The following DTNBP1 variants were observed in gnomAD, a reference collection of about 807,000 sequenced individuals.
The protein encoded by DTNBP1 is dysbindin.
A neutral mutation model predicts 42.8 loss-of-function variants in DTNBP1; 35 were observed. The observed-to-expected ratio is 0.82, with a 90% CI of 0.63 to 1.09. The LOEUF (loss-of-function observed/expected upper bound fraction) is 1.09. Among genes scored for constraint, DTNBP1 ranks in the 50% least tolerant of loss-of-function variants. The probability of loss-of-function intolerance (pLI) is 0.00; values close to 1 mark genes in which losing one functional copy is unlikely to be tolerated. For synonymous variants in DTNBP1, 171 were observed against 162.2 expected (o/e 1.05, Z -0.41); for missense variants, 457 against 424.2 (o/e 1.08, Z -0.68).
intron 1 of DTNBP1, among the ~76,000 whole-genome samples, chr6:15,661,845 T>C (rs1228570614): frequency 6.6e-6 from 1 of 152,264 alleles, no homozygotes; most frequent in Non-Finnish European, 1.5e-5. Context: ...CTTCGTGTTT[T>C]ACACATTAAT....
intron 4 of DTNBP1, among the ~76,000 whole-genome samples, chr6:15,629,254 T>G (rs974545131): frequency 1.3e-5 from 2 of 152,182 alleles, no homozygotes; most frequent in African/African-American, 2.4e-5. Flanking sequence ...TGCCCTCTTA[T>G]TGTTTATACT....
chr6:15,603,407 T>C (rs972915891), intron 6 of DTNBP1, among the ~76,000 whole-genome samples: 2 of 152,228 alleles, frequency 1.3e-5, no homozygotes, highest in Non-Finnish European at 2.9e-5. Flanking sequence ...AGTTTCAGCC[T>C]TTTTTATATT....
At chr6:15,540,184 G>C (rs890164424) in intron 7 of DTNBP1, among the ~76,000 whole-genome samples, 1 of 151,334 alleles carries the variant, frequency 6.6e-6, no homozygotes, top group Non-Finnish European at 1.5e-5. Context: ...GGAATTTAGA[G>C]TGTACTCGTA....
At chr6:15,574,591 T>C (rs570150906) in intron 7 of DTNBP1, among the ~76,000 whole-genome samples, 11 of 152,366 alleles carry the variant, frequency 7.2e-5, no homozygotes, top group African/African-American at 7.2e-5. Flanking sequence ...AGTGAATCTA[T>C]TGTCACACTC....
chr6:15,653,462 C>G (rs1761126955), intron 1 of DTNBP1, among the ~76,000 whole-genome samples: 1 of 152,214 alleles, frequency 6.6e-6, no homozygotes, highest in African/African-American at 2.4e-5. Context: ...TTAATTCTAG[C>G]AGTCTCCTCC....
At position 15,537,947 on chromosome 6, in the gene DTNBP1, C is replaced by T. The variant is rs117668117; in HGVS notation, c.512-4552G>A. ...AAATGAAATCAGGGTCAGACATTTACCATTTTTGACCTGGTACATGGGTAA... is the reference window on the plus strand; with the variant it reads ...AAATGAAATCAGGGTCAGACATTTATCATTTTTGACCTGGTACATGGGTAA... On this transcript the variant is annotated intron_variant, in intron 7 of 9. Transcript: ENST00000344537. Among the ~76,000 whole-genome samples the T allele has an allele frequency of 9.3e-4, 141 of 152,318 alleles. 2 individuals are homozygous for T. The East Asian group carries it at 0.016, about 17-fold the overall frequency.
At chr6:15,630,400 A>G (rs934682672) in intron 4 of DTNBP1, among the ~76,000 whole-genome samples, 3 of 152,218 alleles carry the variant, frequency 2.0e-5, no homozygotes, top group Admixed American at 1.3e-4. Context: ...ACAGTGAAAC[A>G]GTCAAATTCA....
intron 6 of DTNBP1, among the ~76,000 whole-genome samples, chr6:15,594,479 C>T (rs1348642925): frequency 6.1e-5 from 9 of 147,894 alleles, no homozygotes; most frequent in East Asian, 2.0e-4. Context: ...AAAAAAAAAA[C>T]GAAACAAAAC....
chr6:15,533,118 G>A (rs1439000383), intron 8 of DTNBP1, 122 bp downstream of exon 8: 30 of 1,481,164 alleles, frequency 2.0e-5, no homozygotes, highest in Non-Finnish European at 2.7e-5. Flanking sequence ...TGGTTGCTGG[G>A]GTCTCATAAC....
intron 8 of DTNBP1, 53 bp downstream of exon 8, chr6:15,533,187 C>G (rs1489276807): frequency 1.2e-6 from 2 of 1,607,986 alleles, no homozygotes; most frequent in Middle Eastern, 2.1e-4. Flanking sequence ...GGGTCCATCG[C>G]CACCCCGCAC....
chr6:15,551,883 C>T (rs1445954164), intron 7 of DTNBP1, among the ~76,000 whole-genome samples: 1 of 152,210 alleles, frequency 6.6e-6, no homozygotes, highest in Non-Finnish European at 1.5e-5. Context: ...CAACTGGCTG[C>T]TTGATCGCAA....
chr6:15,615,134 G>C, intron 6 of DTNBP1, 133 bp downstream of exon 6: 1 of 1,420,758 alleles, frequency 7.0e-7, no homozygotes. Flanking sequence ...AAAAAGTTTT[G>C]GAAAGCTTAT....
chr6:15,600,423 G>A (rs1175798553), intron 6 of DTNBP1, among the ~76,000 whole-genome samples: 1 of 152,120 alleles, frequency 6.6e-6, no homozygotes, highest in African/African-American at 2.4e-5. Context: ...TTTTTAAGCA[G>A]TGTCTGGTAC....
chr6:15,647,749 G>A (rs1760769236), intron 3 of DTNBP1, among the ~76,000 whole-genome samples: 1 of 151,770 alleles, frequency 6.6e-6, no homozygotes, highest in South Asian at 2.1e-4. Flanking sequence ...CTGAAGAAAT[G>A]GGAAACTGAA....
At chr6:15,524,927 T>C (rs1772264323) in intron 8 of DTNBP1, among the ~76,000 whole-genome samples, 1 of 152,232 alleles carries the variant, frequency 6.6e-6, no homozygotes, top group African/African-American at 2.4e-5. Flanking sequence ...AAGACTAATC[T>C]CTGCATTAAG....
intron 3 of DTNBP1, among the ~76,000 whole-genome samples, chr6:15,646,275 AC>A (rs1760675376): frequency 6.6e-6 from 1 of 151,764 alleles, no homozygotes; most frequent in South Asian, 2.1e-4. Context: ...ACACACACAC[AC>A]ACACACACAC....
chr6:15,652,539 T>C lies in DTNBP1; in HGVS notation c.57-399A>G, dbSNP rs1761063363. The stretch of plus-strand genomic sequence containing the variant: ...TAAAATTTTAGGTCAGATAAGCTAC[T>C]TTTTTTTTTTTAAGCAAGAATTAAG... On this transcript the variant is annotated intron_variant, in intron 1 of 9. Coordinates refer to ENST00000344537, the MANE Select transcript of DTNBP1 (RefSeq NM_032122.5). Among the ~76,000 whole-genome samples, 6 of 117,344 alleles carry C rather than the reference T, an allele frequency of 5.1e-5. No homozygotes were observed. In the South Asian group the frequency reaches 1.6e-3, roughly 31 times the overall value. 77.0% of individuals were successfully genotyped at this position (117,344 alleles called of 152,430 possible).
intron 5 of DTNBP1, among the ~76,000 whole-genome samples, chr6:15,622,368 TG>T (rs1162726976): frequency 2.6e-5 from 4 of 152,146 alleles, no homozygotes; most frequent in African/African-American, 7.2e-5. Context: ...ATAATTGCAT[TG>T]AAAAAAATAA....
chr6:15,606,885 C>T (rs1394429924), intron 6 of DTNBP1, among the ~76,000 whole-genome samples: 1 of 152,004 alleles, frequency 6.6e-6, no homozygotes, highest in Non-Finnish European at 1.5e-5. Flanking sequence ...AAGTTTTTCA[C>T]TGGCAGTATT....
Sources: gnomAD v4.1 joint callset for allele counts (sites outside exome capture counted in the v4.1 genomes callset) on GRCh38, gnomAD v4.1.1 for gene constraint, MANE v1.5 for transcripts, NCBI Gene and HGNC (gene_info 2026-07-23, HGNC 2026-07-21) for gene names.